Variants in CCDC77 observed in about 807,000 individuals in gnomAD.
CCDC77 encodes coiled-coil domain containing 77.
Under a neutral mutation model 66.8 loss-of-function variants are expected in CCDC77, and 56 were observed. The ratio of observed to expected loss-of-function variants is 0.84; its 90% CI spans 0.68 to 1.05. The LOEUF (loss-of-function observed/expected upper bound fraction) is 1.05. CCDC77 is among the 50% of genes least tolerant of loss of function. The pLI is 0.00. For missense variants in CCDC77, 570 were observed against 576.8 expected, an observed-to-expected ratio of 0.99 and a Z score of 0.12; for synonymous variants, 196 against 195.2, an observed-to-expected ratio of 1.00 and a Z score of -0.03.
At chr12:403,146 A>G (rs2137533071) in intron 1 of CCDC77, among the ~76,000 whole-genome samples, 1 of 152,358 alleles carries the variant, frequency 6.6e-6, no homozygotes, top group Admixed American at 6.5e-5. Context: ...TACTTACTGT[A>G]TGCCATGTAG....
chr12:436,413 A>G (rs1329512544), intron 9 of CCDC77, among the ~76,000 whole-genome samples: 1 of 151,618 alleles, frequency 6.6e-6, no homozygotes, highest in East Asian at 1.9e-4. Flanking sequence ...CTTAGTAGAG[A>G]CAGGGTTTCA....
At position 438,542 on chromosome 12, in the gene CCDC77, T is replaced by A. The variant is rs774421600; in HGVS notation, c.1029T>A (p.Ser343Arg). 1.9e-6 allele frequency: 3 copies of A among 1,610,784 alleles called. No individual in the cohort carries two copies. The highest frequency in any genetic ancestry group is 2.5e-6 in the Non-Finnish European group (3 of 1,177,606). The change falls in exon 10 of 13, where the codon AGT becomes AGA. Residue 343 changes from serine (S) to arginine (R), a missense_variant. Coordinates refer to ENST00000239830, the MANE Select transcript of CCDC77 (RefSeq NM_032358.4). ...PVMHESHHAQ[S>R]EYIKSLKDKL... The stretch of plus-strand genomic sequence containing the variant: ...TGCATGAGAGTCACCATGCTCAAAG[T>A]GAATATATTAAGGTAATGTCCTTAT...
intron 1 of CCDC77, among the ~76,000 whole-genome samples, chr12:402,470 A>G (rs558847157): frequency 2.8e-4 from 42 of 152,340 alleles, no homozygotes; most frequent in African/African-American, 9.9e-4. Flanking sequence ...GTTAAGTGAA[A>G]TTATGAGGGT....
intron 2 of CCDC77, among the ~76,000 whole-genome samples, chr12:408,095 G>A (rs898970365): frequency 6.6e-6 from 1 of 151,960 alleles, no homozygotes; most frequent in African/African-American, 2.4e-5. Flanking sequence ...CCACAGGACT[G>A]AAGATTTTAA....
intron 4 of CCDC77, among the ~76,000 whole-genome samples, chr12:417,743 G>A (rs1020852363): frequency 5.3e-5 from 8 of 152,080 alleles, no homozygotes; most frequent in South Asian, 2.1e-4. Context: ...GTGAAACCCC[G>A]TCTCTACTAA....
chr12:418,011 T>G (rs1030412284), intron 4 of CCDC77, among the ~76,000 whole-genome samples: 1 of 152,146 alleles, frequency 6.6e-6, no homozygotes, highest in Admixed American at 6.5e-5. Context: ...TTCACACTCA[T>G]CCTGTAGCTG....
At chr12:405,801 G>A (rs994151723) in intron 2 of CCDC77, among the ~76,000 whole-genome samples, 4 of 151,928 alleles carry the variant, frequency 2.6e-5, no homozygotes, top group African/African-American at 9.7e-5. Context: ...CACTGTTTAT[G>A]TTACTAGGGA....
At chr12:412,019 C>G (rs1416269796) in intron 4 of CCDC77, 41 bp downstream of exon 4, 3 of 1,441,166 alleles carry the variant, frequency 2.1e-6, no homozygotes, top group South Asian at 1.2e-5. Context: ...CTGATGGAGT[C>G]TTCATAAATT....
At chr12:431,975 G>T in intron 8 of CCDC77, 21 bp downstream of exon 8, 1 of 1,500,044 alleles carries the variant, frequency 6.7e-7, no homozygotes, top group South Asian at 1.1e-5. Flanking sequence ...TATTTTGGCA[G>T]ACCAAGATGG....
chr12:415,395 TAA>T (rs1463801026), intron 4 of CCDC77, among the ~76,000 whole-genome samples: 5 of 76,522 alleles, frequency 6.5e-5, no homozygotes, highest in African/African-American at 2.1e-4. Context: ...TATGTTAATA[TAA>T]TCAACATAAT....
upstream of CCDC77, among the ~76,000 whole-genome samples, chr12:397,798 C>T (rs1944847638): frequency 1.3e-5 from 2 of 152,092 alleles, no homozygotes; most frequent in South Asian, 2.1e-4. Context: ...AGGCGCCCGC[C>T]ACCACGCCCG....
intron 8 of CCDC77, among the ~76,000 whole-genome samples, chr12:432,407 A>C (rs1013922079): frequency 1.5e-4 from 23 of 152,146 alleles, no homozygotes; most frequent in Non-Finnish European, 2.9e-4. Flanking sequence ...GTTGCACTAA[A>C]GTTTCTGTCC....
rs189128215 is a variant in CCDC77 at position 406,024 on chromosome 12, C to T, written c.-17+460C>T. Among the ~76,000 whole-genome samples, 362 of 151,722 alleles carry T rather than the reference C, an allele frequency of 2.4e-3. 1 individual carries two copies. The highest frequency in any genetic ancestry group is 1.0e-2 in the South Asian group (48 of 4,812). ...GCCTTGATCCCCCGGTGCAGGCGAT[C>T]CTCCTACCTCGGCCTCCTGTTTAAC... On this transcript the variant is annotated intron_variant, in intron 2 of 12. Coordinates refer to ENST00000239830, the MANE Select transcript of CCDC77 (RefSeq NM_032358.4).
At chr12:405,963 A>G (rs1370917683) in intron 2 of CCDC77, among the ~76,000 whole-genome samples, 1 of 146,290 alleles carries the variant, frequency 6.8e-6, no homozygotes, top group Non-Finnish European at 1.5e-5. Flanking sequence ...CTGTCACCCC[A>G]GCTGGACTGC....
At chr12:433,517 G>A in intron 9 of CCDC77, 195 bp downstream of exon 9, 2 of 1,308,204 alleles carry the variant, frequency 1.5e-6, no homozygotes, top group Middle Eastern at 2.9e-4. Flanking sequence ...GAGCTGATGA[G>A]TATTTCACGT....
intron 1 of CCDC77, among the ~76,000 whole-genome samples, chr12:404,997 C>T (rs1176426040): frequency 6.6e-6 from 1 of 152,154 alleles, no homozygotes; most frequent in African/African-American, 2.4e-5. Flanking sequence ...GCTGGGATTA[C>T]AGGCAGGAGC....
intron 6 of CCDC77, among the ~76,000 whole-genome samples, chr12:430,089 G>A (rs1945622896): frequency 6.6e-6 from 1 of 152,122 alleles, no homozygotes; most frequent in African/African-American, 2.4e-5. Flanking sequence ...CGCCTCCCAG[G>A]TTCAAGTGAT....
At chr12:417,303 G>A (rs1047112465) in intron 4 of CCDC77, among the ~76,000 whole-genome samples, 3 of 152,078 alleles carry the variant, frequency 2.0e-5, no homozygotes, top group Non-Finnish European at 4.4e-5. Context: ...GCTCTCTCAT[G>A]GTTCTTATTT....
intron 5 of CCDC77, among the ~76,000 whole-genome samples, chr12:427,763 A>G (rs191063522): frequency 2.4e-4 from 37 of 152,124 alleles, no homozygotes; most frequent in Non-Finnish European, 4.7e-4. Context: ...ATGAAACACC[A>G]CACCCGGCCC....
Sources: gnomAD v4.1 joint callset for allele counts (sites outside exome capture counted in the v4.1 genomes callset) on GRCh38, gnomAD v4.1.1 for gene constraint, MANE v1.5 for transcripts, NCBI Gene and HGNC (gene_info 2026-07-23, HGNC 2026-07-21) for gene names.